The following NLRC3 variants were observed in gnomAD, a reference collection of about 807,000 sequenced individuals.
NLRC3 encodes the protein NLR family CARD domain-containing protein 3.
NLRC3 carries 87 observed loss-of-function variants against 91.6 expected under a neutral mutation model. The ratio of observed to expected loss-of-function variants is 0.95; its 90% CI spans 0.80 to 1.14. NLRC3 has a LOEUF of 1.14. NLRC3 is among the 50% of genes most tolerant of loss of function. The pLI is 0.00. For missense variants in NLRC3, 1,577 were observed against 1,418.6 expected, an observed-to-expected ratio of 1.11 and a Z score of -1.79; for synonymous variants, 694 against 625.3, an observed-to-expected ratio of 1.11 and a Z score of -1.64.
chr16:3,548,411 G>A (rs1416539629), intron 14 of NLRC3, among the ~76,000 whole-genome samples, 193 bp from the exon 15 acceptor site: 2 of 152,228 alleles, frequency 1.3e-5, no homozygotes, highest in Admixed American at 6.5e-5. Flanking sequence ...GAGGGCCGGG[G>A]AATAAGCCAG....
intron 6 of NLRC3, among the ~76,000 whole-genome samples, chr16:3,558,585 C>T (rs62037796): frequency 2.5e-5 from 2 of 80,376 alleles, no homozygotes; most frequent in Non-Finnish European, 4.7e-5. Context: ...AAAAAAACCA[C>T]ACACACACAC....
intron 1 of NLRC3, among the ~76,000 whole-genome samples, chr16:3,571,617 A>G (rs2040100227): frequency 6.6e-6 from 1 of 151,430 alleles, no homozygotes; most frequent in Admixed American, 6.6e-5. Flanking sequence ...TTAAAATATT[A>G]AATAATTAAA....
chr16:3,573,904 G>A (rs1010730026), intron 1 of NLRC3, among the ~76,000 whole-genome samples: 1 of 150,028 alleles, frequency 6.7e-6, no homozygotes, highest in Non-Finnish European at 1.5e-5. Context: ...CTGCAGCCTC[G>A]ACCTCCTGGG....
chr16:3,548,741 G>T lies in NLRC3; in HGVS notation c.2616C>A (p.Asn872Lys). 4 of 1,603,480 alleles carry T rather than the reference G, an allele frequency of 2.5e-6. No individual in the cohort carries two copies. Among genetic ancestry groups the T allele is most frequent in the Non-Finnish European group, 3.4e-6 (4 of 1,175,276 alleles). Residue 872 changes from asparagine to lysine, a missense_variant, in exon 14 of 20, where the codon AAC (asparagine) becomes AAA (lysine). By Grantham distance (94) the Asn-to-Lys change is moderately conservative. Transcript: ENST00000359128. ...CCCGGGCACCCTGGTCGTGGAGGAG[G>T]TTGGCTGTCAGGCTAGGAGGAAGGG... ...STLKNLDLTANLLHDQGARAI... is the reference protein window; with the variant it reads ...STLKNLDLTAKLLHDQGARAI...
At chr16:3,569,288 G>A (rs1183557360) in intron 1 of NLRC3, among the ~76,000 whole-genome samples, 6 of 145,558 alleles carry the variant, frequency 4.1e-5, no homozygotes, top group South Asian at 2.2e-4. Context: ...CACTCCAGCC[G>A]GGGTGACAGA....
At chr16:3,558,865 C>T (rs748112437) in intron 6 of NLRC3, among the ~76,000 whole-genome samples, 1 of 152,118 alleles carries the variant, frequency 6.6e-6, no homozygotes, top group African/African-American at 2.4e-5. Flanking sequence ...CTCGAACTCT[C>T]GAGCTCAAGA....
intron 1 of NLRC3, among the ~76,000 whole-genome samples, chr16:3,574,450 G>C (rs905810094): frequency 6.6e-6 from 1 of 152,132 alleles, no homozygotes; most frequent in Non-Finnish European, 1.5e-5. Flanking sequence ...AGAGGAATGA[G>C]GGAGGGACAG....
rs985440016 is a variant in NLRC3, at chr16:3,554,154, A to T, written c.2267+88T>A. 4 of 1,028,434 alleles carry T rather than the reference A, an allele frequency of 3.9e-6. No homozygotes were observed. In the African/African-American group the frequency reaches 6.3e-5, roughly 16 times the overall value. The allele number at this position is 1,028,434 out of a possible 1,614,324, so 63.7% of individuals were successfully genotyped here. A position where few individuals can be genotyped will look rare whatever the true frequency, so the allele number is the denominator to read the frequency against. ...AAGGCCTCAGGTCCTAGCCCCATCC[A>T]TTCTTCCTAGCAGGTAATAGGCAGA... is the stretch of plus-strand genomic sequence containing the variant. On this transcript the variant is annotated intron_variant, in intron 9 of 19. Transcript: ENST00000359128.
At chr16:3,569,841 T>C (rs1291610079) in intron 1 of NLRC3, among the ~76,000 whole-genome samples, 1 of 152,208 alleles carries the variant, frequency 6.6e-6, no homozygotes, top group African/African-American at 2.4e-5. Context: ...TTAGGTGTGA[T>C]GTTTGTGACA....
At chr16:3,565,264 G>T (rs571646955) in intron 3 of NLRC3, 55 bp downstream of exon 3, 6 of 691,796 alleles carry the variant, frequency 8.7e-6, no homozygotes, top group Non-Finnish European at 1.6e-5. Context: ...CGAATGCAGG[G>T]GCCCAGTGGA....
chr16:3,572,810 C>T (rs1216386695), intron 1 of NLRC3, among the ~76,000 whole-genome samples: 3 of 151,464 alleles, frequency 2.0e-5, no homozygotes, highest in Admixed American at 6.6e-5. Context: ...GTCAGGGGTT[C>T]GAGACCAGTC....
chr16:3,560,256 C>T (rs1226189657), intron 6 of NLRC3, among the ~76,000 whole-genome samples: 1 of 152,050 alleles, frequency 6.6e-6, no homozygotes, highest in African/African-American at 2.4e-5. Context: ...AACCCTGTAT[C>T]GACTAAAAAT....
At chr16:3,555,229 CAAAAA>C (rs149218240) in intron 8 of NLRC3, among the ~76,000 whole-genome samples, 6 of 82,440 alleles carry the variant, frequency 7.3e-5, no homozygotes, top group African/African-American at 2.4e-4. Flanking sequence ...GACTCCGTCT[CAAAAA>C]AAAAAAAAAA....
At chr16:3,551,231 TCCACCCAC>T in intron 10 of NLRC3, among the ~76,000 whole-genome samples, 1 of 150,380 alleles carries the variant, frequency 6.6e-6, no homozygotes, top group Non-Finnish European at 1.5e-5. Flanking sequence ...CATCCATCCA[TCCACCCAC>T]CCACCCACTC....
In NLRC3 at chr16:3,554,222, G is replaced by C. The variant is rs1411683010; in HGVS notation, c.2267+20C>G. The C allele has an allele frequency of 3.2e-6, 5 of 1,568,006 alleles. No homozygotes were observed. In the African/African-American group the frequency reaches 6.8e-5, roughly 21 times the overall value. ...AGGGAGAAGGGAGAGAAGGGGGAGA[G>C]AGGAGATGTGTTCACTCACTGCAGC... On this transcript the variant is annotated intron_variant, in intron 9 of 19. Coordinates refer to ENST00000359128, the MANE Select transcript of NLRC3 (RefSeq NM_178844.4).
At chr16:3,549,674 T>G in intron 12 of NLRC3, 23 bp downstream of exon 12, 1 of 1,532,180 alleles carries the variant, frequency 6.5e-7, no homozygotes, top group Non-Finnish European at 8.9e-7. Flanking sequence ...ACGCCCTGTT[T>G]GGAGAGGGTG....
At chr16:3,548,044 G>T in intron 15 of NLRC3, 91 bp downstream of exon 15, 1 of 822,996 alleles carries the variant, frequency 1.2e-6, no homozygotes, top group Non-Finnish European at 2.0e-6. Flanking sequence ...AGGGGTCACT[G>T]GATTGAGCCT....
At chr16:3,548,251 C>G (rs749677029) in intron 14 of NLRC3, 33 bp from the exon 15 acceptor site, 28 of 1,506,790 alleles carry the variant, frequency 1.9e-5, no homozygotes, top group Non-Finnish European at 2.4e-5. Context: ...GACTATGTGA[C>G]TATGTGACTA....
rs1250805044 is a variant in NLRC3, at chr16:3,563,697, C to T, written c.1240G>A (p.Val414Met). 18 of 1,613,568 alleles carry T rather than the reference C, an allele frequency of 1.1e-5. No homozygotes were observed. The highest frequency in any genetic ancestry group is 2.2e-5 in the East Asian group (1 of 44,884). ...GCCTTCATGTCTTGCTCGTAAAACA[C>T]GTATTTCTTCTTGAGCAGCCCATGG... ...AFHGLLKKKY[V>M]FYEQDMKAFG... The change falls in exon 5 of 20, where the codon GTG (valine) becomes ATG (methionine). Residue 414 changes from valine to methionine, a missense_variant. Physicochemically the swap from Val to Met is conservative, Grantham distance 21 (BLOSUM62 1). Coordinates refer to ENST00000359128, the MANE Select transcript of NLRC3 (RefSeq NM_178844.4).
Sources: allele counts gnomAD v4.1 joint callset (sites outside exome capture counted in the v4.1 genomes callset), GRCh38; gene constraint gnomAD v4.1.1; transcripts MANE v1.5; gene names NCBI Gene and HGNC (gene_info 2026-07-23, HGNC 2026-07-21).